Variants in FGFR4 observed in about 807,000 individuals in gnomAD.
FGFR4 encodes fibroblast growth factor receptor 4, also known as hydroxyaryl-protein kinase.
FGFR4 carries 63 observed loss-of-function variants against 89.9 expected under a neutral mutation model. The ratio of observed to expected loss-of-function variants is 0.70; its 90% confidence interval spans 0.57 to 0.86. The LOEUF (loss-of-function observed/expected upper bound fraction) is 0.86, where lower values mean the gene tolerates loss of function less well. Among genes scored for constraint, FGFR4 ranks in the 40% least tolerant of loss-of-function variants. The pLI is 0.00. For synonymous variants in FGFR4, 486 were observed against 479.4 expected (o/e 1.01, Z -0.18); for missense variants, 928 against 1,106.7 (o/e 0.84, Z 2.29).
intron 6 of FGFR4, 22 bp from the exon 7 acceptor site, chr5:177,092,299 G>A (rs1214671972): frequency 6.5e-7 from 1 of 1,533,968 alleles, no homozygotes; most frequent in Non-Finnish European, 8.8e-7. Flanking sequence ...GGTCAGGGTT[G>A]ACTGTCTCGC....
Position 177,095,118 on chromosome 5 carries a change from C to T in FGFR4, c.1520-212C>T. ...AGTTGCATCCTTGCAACTGCTGTGA[C>T]AGGCAGGGTGTGACCCACTGCTCTG... On this transcript the variant is annotated intron_variant, in intron 11 of 17. Transcript: ENST00000292408. This position sits in a 1 kb window ranked among gnomAD's most constrained non-coding sequence, Gnocchi z 5.7. 1.8e-6 allele frequency: 1 copy of T among 569,936 alleles called. No homozygotes were observed. The highest frequency in any genetic ancestry group is 2.0e-5 in the South Asian group (1 of 50,132). The allele number at this position is 569,936 out of a possible 1,614,324, so 35.3% of individuals were successfully genotyped here.
intron 4 of FGFR4, 40 bp downstream of exon 4, chr5:177,090,865 C>T: frequency 1.9e-6 from 3 of 1,613,964 alleles, no homozygotes; most frequent in Non-Finnish European, 1.7e-6. Context: ...CGCTGCTGCT[C>T]ATCTGATCAC....
At chr5:177,091,157 A>G (rs1474694881) in intron 5 of FGFR4, 53 bp downstream of exon 5, 15 of 1,490,786 alleles carry the variant, frequency 1.0e-5, no homozygotes, top group South Asian at 1.3e-5. Flanking sequence ...TTCCTTCATC[A>G]GTCCCCTCAT....
chr5:177,090,250 T>G, intron 2 of FGFR4, 140 bp from the exon 3 acceptor site: 2 of 1,193,156 alleles, frequency 1.7e-6, no homozygotes, highest in Non-Finnish European at 1.2e-6. Flanking sequence ...CATGTGGCTG[T>G]GTGGGTGTCA....
In FGFR4 at chr5:177,097,275, C is replaced by T. The variant is rs375682210; in HGVS notation, c.2154-17C>T. On this transcript the variant is annotated splice_polypyrimidine_tract_variant and intron_variant, in intron 16 of 17. Transcript: ENST00000292408. ...AGGCCTGAGGCTCCCTGTGACCCTC[C>T]GCCCCACCTCTCGCAGGTACGGGCT... The T allele has an allele frequency of 3.0e-5, 47 of 1,573,370 alleles. No homozygotes were observed. Among genetic ancestry groups the T allele is most frequent in the African/African-American group, 1.9e-4 (14 of 73,910 alleles).
At chr5:177,097,506 G>A in intron 17 of FGFR4, 21 bp from the exon 18 acceptor site, 1 of 1,609,582 alleles carries the variant, frequency 6.2e-7, no homozygotes, top group South Asian at 1.1e-5. Context: ...TGCAGAGGCT[G>A]ACCAGCTCCG....
intron 2 of FGFR4, chr5:177,089,982 T>G (rs1318641813): frequency 3.0e-6 from 2 of 670,350 alleles, no homozygotes; most frequent in Non-Finnish European, 5.5e-6. Flanking sequence ...GTGTGTGTGT[T>G]CTGTGCACTG....
rs2149735208 is a variant in FGFR4 at position 177,093,227 on chromosome 5, C to T, written c.1147C>T (p.Leu383Phe). Residue 383 changes from leucine to phenylalanine, a missense_variant, in exon 9 of 18, where the codon CTC becomes TTC. Transcript: ENST00000292408. This position sits in a 1 kb window ranked among gnomAD's most constrained non-coding sequence, Gnocchi z 5.8. Reference protein sequence around the residue: ...YASGSLALAVLLLLAGLYRGQ... With the variant: ...YASGSLALAVFLLLAGLYRGQ... ...GTCGGGCTCCCTGGCCTTGGCTGTG[C>T]TCCTGCTGCTGGCCGGGCTGTATCG... 1 of 1,612,634 alleles carries T rather than the reference C, an allele frequency of 6.2e-7. No individual in the cohort carries two copies. The highest frequency in any genetic ancestry group is 2.2e-5 in the East Asian group (1 of 44,802).
chr5:177,088,783 G>A (rs1006224568), intron 1 of FGFR4, among the ~76,000 whole-genome samples: 3 of 151,162 alleles, frequency 2.0e-5, no homozygotes, highest in African/African-American at 4.9e-5. Flanking sequence ...TTCTAGGGCC[G>A]GGCACAGGGA....
intron 17 of FGFR4, 27 bp from the exon 18 acceptor site, chr5:177,097,500 G>A (rs1333257742): frequency 6.2e-7 from 1 of 1,607,792 alleles, no homozygotes; most frequent in Non-Finnish European, 8.5e-7. Flanking sequence ...GGGCGCTGCA[G>A]AGGCTGACCA....
chr5:177,093,478 G>T lies in FGFR4; in HGVS notation c.1324G>T (p.Gly442Cys). The change falls in exon 10 of 18, where the codon GGC (glycine) becomes TGC (cysteine). Residue 442 changes from glycine (G) to cysteine (C), a missense_variant. Physicochemically the swap from Gly to Cys is radical, Grantham distance 159. Around this residue, in one of 5 missense-constraint regions of FGFR4, gnomAD observed 741 missense variants for 836.9 expected, o/e 0.89. Coordinates refer to ENST00000292408, the MANE Select transcript of FGFR4 (RefSeq NM_213647.3). This position sits in a 1 kb window ranked among gnomAD's most constrained non-coding sequence, Gnocchi z 5.8. The part of the protein sequence containing the change: ...LVRGVRLSSS[G>C]PALLAGLVSL... ...ACGAGGCGTGCGTCTCTCCTCCAGC[G>T]GCCCCGCCTTGCTCGCCGGCCTCGT... 1 of 1,613,968 alleles carries T rather than the reference G, an allele frequency of 6.2e-7. No homozygotes were observed. Among genetic ancestry groups the T allele is most frequent in the Non-Finnish European group, 8.5e-7 (1 of 1,180,006 alleles).
Position 177,095,943 on chromosome 5 carries a change from C to T in FGFR4, c.1822-114C>T. 2 of 1,436,046 alleles carry T rather than the reference C, an allele frequency of 1.4e-6. No homozygotes were observed. The highest frequency in any genetic ancestry group is 1.9e-6 in the Non-Finnish European group (2 of 1,079,222). 89.0% of individuals were successfully genotyped at this position (1,436,046 alleles called of 1,614,324 possible). ...GGCACTCCCCGTTTCTAAACCTTGA[C>T]CTCCTCCTCTGTAAAGTGGGTGGAG... is the stretch of plus-strand genomic sequence containing the variant. On this transcript the variant is annotated intron_variant, in intron 13 of 17. Coordinates refer to ENST00000292408, the MANE Select transcript of FGFR4 (RefSeq NM_213647.3). This position sits in a 1 kb window ranked among gnomAD's most constrained non-coding sequence, Gnocchi z 5.7.
intron 15 of FGFR4, 98 bp from the exon 16 acceptor site, chr5:177,096,506 C>A (rs1235900786): frequency 6.5e-7 from 1 of 1,545,546 alleles, no homozygotes; most frequent in Non-Finnish European, 8.8e-7. Flanking sequence ...GAGCCCATTC[C>A]CCAACAGCTG....
Position 177,087,122 on chromosome 5 carries a change from A to C in FGFR4, c.-54+45A>C, listed in dbSNP as rs1210350831. On this transcript the variant is annotated intron_variant, in intron 1 of 17. Transcript: ENST00000292408. This position sits in a 1 kb window ranked among gnomAD's most constrained non-coding sequence, Gnocchi z 6.1. Reference sequence around the variant, plus strand: ...GGCCCGGGCTGCGCTCCCAGCCGCCAGGGGGCGAGAGGCGGCGGGGCTACG... The same window carrying C: ...GGCCCGGGCTGCGCTCCCAGCCGCCCGGGGGCGAGAGGCGGCGGGGCTACG... The C allele has an allele frequency of 6.7e-6, 1 of 148,900 alleles. No individual in the cohort carries two copies. The highest frequency in any genetic ancestry group is 1.5e-5 in the Non-Finnish European group (1 of 67,350). 9.2% of individuals were successfully genotyped at this position (148,900 alleles called of 1,614,324 possible).
Position 177,095,719 on chromosome 5 carries a change from G to T in FGFR4, c.1817G>T (p.Arg606Leu). 2 of 1,599,844 alleles carry T rather than the reference G, an allele frequency of 1.3e-6. No homozygotes were observed. Residue 606 changes from arginine to leucine, a missense_variant, in exon 13 of 18, where the codon CGG (arginine) becomes CTG (leucine). Arg to Leu is a moderately radical substitution (Grantham distance 102). Coordinates refer to ENST00000292408, the MANE Select transcript of FGFR4 (RefSeq NM_213647.3). The surrounding 1 kb of genome is among the most constrained non-coding windows in gnomAD (Gnocchi z 5.7). ...VARGMQYLES[R>L]KCIHRDLAAR... is the part of the protein sequence containing the mutation. ...CGAGGCATGCAGTATCTGGAGTCCC[G>T]GAAGGTACAGGCGCTAGGGCTCTGA...
At chr5:177,096,402 A>G (rs752972009) in intron 15 of FGFR4, 45 bp downstream of exon 15, 1 of 1,608,738 alleles carries the variant, frequency 6.2e-7, no homozygotes, top group Non-Finnish European at 8.5e-7. Context: ...AAAAAGGGCA[A>G]GGCACTGCCC....
rs778451081 is a variant in FGFR4 at position 177,096,676 on chromosome 5, G to A, written c.2088G>A (p.Glu696=). 2.5e-6 allele frequency: 4 copies of A among 1,610,916 alleles called. No individual in the cohort carries two copies. In the South Asian group the frequency reaches 3.3e-5, roughly 13 times the overall value. The change falls in exon 16 of 18, where the codon GAG becomes GAA. Residue 696 remains glutamate, a synonymous_variant. Coordinates refer to ENST00000292408, the MANE Select transcript of FGFR4 (RefSeq NM_213647.3). ...CCCCGTATCCTGGCATCCCGGTGGA[G>A]GAGCTGTTCTCGCTGCTGCGGGAGG... ...GGSPYPGIPV[E]ELFSLLREGH...
rs1021304121 is a variant in FGFR4, at chr5:177,092,568, G to A, written c.918+57G>A. On this transcript the variant is annotated intron_variant, in intron 7 of 17. Coordinates refer to ENST00000292408, the MANE Select transcript of FGFR4 (RefSeq NM_213647.3). ...CCATTCTTCTCCCACCTTGGGTTGG[G>A]GGGCTCCCCAGCTTCCCTGTTGGCC... The A allele has an allele frequency of 5.1e-6, 8 of 1,565,920 alleles. No homozygotes were observed. In the African/African-American group the frequency reaches 1.1e-4, roughly 21 times the overall value.
At position 177,090,531 on chromosome 5, in the gene FGFR4, G is replaced by A. The variant is rs200146267; in HGVS notation, c.233G>A (p.Arg78His). The change falls in exon 3 of 18, where the codon CGT (arginine) becomes CAT (histidine). Residue 78 changes from arginine (R) to histidine (H), a missense_variant. By Grantham distance (29) the Arg-to-His change is conservative. Around this residue, in one of 5 missense-constraint regions of FGFR4, gnomAD observed 741 missense variants for 836.9 expected, o/e 0.89. Coordinates refer to ENST00000292408, the MANE Select transcript of FGFR4 (RefSeq NM_213647.3). ...KEGSRLAPAG[R>H]VRGWRGRLEI... The stretch of plus-strand genomic sequence containing the variant: ...GGCAGTCGCCTGGCACCTGCTGGCC[G>A]TGTACGGGGCTGGAGGGGCCGCCTA... The A allele has an allele frequency of 6.6e-4, 1,024 of 1,555,804 alleles. No homozygotes were observed. The highest frequency in any genetic ancestry group is 1.2e-3 in the Admixed American group (66 of 53,340).
Sources: gnomAD v4.1 joint callset for allele counts (sites outside exome capture counted in the v4.1 genomes callset) on GRCh38, gnomAD v4.1.1 for gene constraint, gnomAD v4.1.1 regional missense constraint, Gnocchi (gnomAD v3.1) non-coding constraint, MANE v1.5 for transcripts, NCBI Gene and HGNC (gene_info 2026-07-23, HGNC 2026-07-21) for gene names.